The following ARFIP1 variants were observed in gnomAD, a reference collection of about 807,000 sequenced individuals.
ARFIP1 encodes the protein arfaptin-1.
In ARFIP1, 24 loss-of-function variants were observed where a neutral mutation model predicts 42.5. That is an observed-to-expected ratio of 0.57 (90% CI 0.41 to 0.80). The LOEUF is 0.80. Among genes scored for constraint, ARFIP1 ranks in the 30% least tolerant of loss-of-function variants. ARFIP1 has a pLI of 0.00. For synonymous variants in ARFIP1, 141 were observed against 153.7 expected (o/e 0.92, Z 0.61); for missense variants, 354 against 434.0 (o/e 0.82, Z 1.64).
At chr4:152,794,781 A>G (rs1356094310) in intron 1 of ARFIP1, among the ~76,000 whole-genome samples, 2 of 152,028 alleles carry the variant, frequency 1.3e-5, no homozygotes, top group African/African-American at 4.8e-5. Context: ...CCATTTACTT[A>G]TCAGATTGTT....
intron 2 of ARFIP1, among the ~76,000 whole-genome samples, chr4:152,832,062 G>A (rs1332772204): frequency 2.0e-5 from 3 of 151,806 alleles, no homozygotes; most frequent in African/African-American, 7.3e-5. Context: ...TGATTATTAT[G>A]AATAAAGCTG....
rs1384789014 is a variant in ARFIP1, at chr4:152,872,475, A to G, written c.322A>G (p.Ser108Gly). ...AGGTGGCCAGAGAACACAGACAAAA[A>G]GTGGACCAGTTATTCTAGCAGATGA... ...PAGGQRTQTK[S>G]GPVILADEIK... The change falls in exon 5 of 9, where the codon AGT becomes GGT. Residue 108 changes from serine (S) to glycine (G), a missense_variant. Coordinates refer to ENST00000353617, the MANE Select transcript of ARFIP1 (RefSeq NM_001025595.3). The G allele has an allele frequency of 4.3e-6, 7 of 1,610,924 alleles. No individual in the cohort carries two copies. The highest frequency in any genetic ancestry group is 5.9e-6 in the Non-Finnish European group (7 of 1,178,712).
intron 8 of ARFIP1, among the ~76,000 whole-genome samples, chr4:152,905,545 G>GTTTTTTTTGTTTT (rs1738255460): frequency 3.0e-4 from 9 of 30,388 alleles, no homozygotes; most frequent in Non-Finnish European, 4.1e-4. Flanking sequence ...TGTAAGAATT[G>GTTTTTTTTGTTTT]TTTTTTTTTT....
chr4:152,907,796 G>A (rs1435292563), intron 8 of ARFIP1, among the ~76,000 whole-genome samples: 1 of 152,134 alleles, frequency 6.6e-6, no homozygotes, highest in Non-Finnish European at 1.5e-5. Flanking sequence ...ATACAACTTT[G>A]TGGTGGTTTT....
At chr4:152,853,302 T>C (rs1733145315) in intron 2 of ARFIP1, among the ~76,000 whole-genome samples, 2 of 152,216 alleles carry the variant, frequency 1.3e-5, no homozygotes, top group African/African-American at 4.8e-5. Context: ...ATGGTAAATG[T>C]TGCCCTTTTG....
chr4:152,817,030 C>G (rs1729947700), intron 1 of ARFIP1, among the ~76,000 whole-genome samples: 1 of 152,204 alleles, frequency 6.6e-6, no homozygotes, highest in African/African-American at 2.4e-5. Flanking sequence ...CTTTAAGTTT[C>G]TAGAAGGCTG....
At chr4:152,836,490 T>C (rs531562085) in intron 2 of ARFIP1, among the ~76,000 whole-genome samples, 1 of 152,298 alleles carries the variant, frequency 6.6e-6, no homozygotes, top group East Asian at 1.9e-4. Flanking sequence ...TTCAGATGAT[T>C]GTATATGTGT....
intron 2 of ARFIP1, among the ~76,000 whole-genome samples, chr4:152,834,358 T>C: frequency 6.6e-6 from 1 of 152,198 alleles, no homozygotes; most frequent in African/African-American, 2.4e-5. Flanking sequence ...TCTTAACTCA[T>C]TCCAGTATTA....
chr4:152,870,286 A>G (rs1309915457), intron 3 of ARFIP1, among the ~76,000 whole-genome samples: 1 of 152,240 alleles, frequency 6.6e-6, no homozygotes, highest in East Asian at 1.9e-4. Context: ...GCTGTAGTTC[A>G]TTCACATTTC....
Position 152,912,140 on chromosome 4 carries a change from T to C in ARFIP1, c.*1921T>C, listed in dbSNP as rs989553825. The C allele has an allele frequency of 2.6e-5, 4 of 152,180 alleles. No homozygotes were observed. The highest frequency in any genetic ancestry group is 2.1e-4 in the South Asian group (1 of 4,834). The allele number at this position is 152,180 out of a possible 1,614,324, so 9.4% of individuals were successfully genotyped here. On this transcript the variant is annotated 3_prime_UTR_variant, in exon 9 of 9. Transcript: ENST00000353617. Reference sequence around the variant, plus strand: ...GTAGCTAAGGAGCTAAATAGTTTCATGGATTAATTTTTTTCAGAATAAATT... The same window carrying C: ...GTAGCTAAGGAGCTAAATAGTTTCACGGATTAATTTTTTTCAGAATAAATT...
At chr4:152,870,321 T>G (rs181682746) in intron 3 of ARFIP1, among the ~76,000 whole-genome samples, 1 of 152,360 alleles carries the variant, frequency 6.6e-6, no homozygotes, top group Admixed American at 6.5e-5. Context: ...AGAGCATGTT[T>G]TAATATCCCT....
intron 1 of ARFIP1, chr4:152,810,357 A>T (rs1198959439): frequency 1.3e-5 from 2 of 152,234 alleles, no homozygotes; most frequent in Non-Finnish European, 2.9e-5. Flanking sequence ...TATTAAATAC[A>T]TATATTAAAA....
At chr4:152,815,872 G>A (rs1472609587) in intron 1 of ARFIP1, among the ~76,000 whole-genome samples, 1 of 149,048 alleles carries the variant, frequency 6.7e-6, no homozygotes, top group Admixed American at 6.7e-5. Flanking sequence ...AGCCTCCCAA[G>A]TAGCTGGGAC....
intron 1 of ARFIP1, among the ~76,000 whole-genome samples, chr4:152,785,540 C>A (rs1578792651): frequency 6.6e-6 from 1 of 152,170 alleles, no homozygotes; most frequent in Non-Finnish European, 1.5e-5. Flanking sequence ...TGGGCTCAAG[C>A]GATCTTCCCG....
intron 8 of ARFIP1, among the ~76,000 whole-genome samples, chr4:152,895,457 G>GCTTA (rs1026131885): frequency 1.3e-5 from 2 of 150,992 alleles, no homozygotes; most frequent in Non-Finnish European, 3.0e-5. Context: ...TGCAGTCATA[G>GCTTA]CTTACTGTAG....
chr4:152,872,538 A>G lies in ARFIP1; in HGVS notation c.385A>G (p.Arg129Gly), dbSNP rs564478234. The G allele has an allele frequency of 6.2e-7, 1 of 1,605,902 alleles. No individual in the cohort carries two copies. Among genetic ancestry groups the G allele is most frequent in the East Asian group, 2.2e-5 (1 of 44,636 alleles). ...NPAMEKLELVRKWSLNTYKCT... is the reference protein window; with the variant it reads ...NPAMEKLELVGKWSLNTYKCT... ...TGCAATGGAAAAGTTAGAACTTGTTAGAAAATGGAGTCTAAACACCTATAA... is the reference window on the plus strand; with the variant it reads ...TGCAATGGAAAAGTTAGAACTTGTTGGAAAATGGAGTCTAAACACCTATAA... The change falls in exon 5 of 9, where the codon AGA (arginine) becomes GGA (glycine). Residue 129 changes from arginine (R) to glycine (G), a missense_variant. Arg to Gly is a moderately radical substitution (Grantham distance 125). Coordinates refer to ENST00000353617, the MANE Select transcript of ARFIP1 (RefSeq NM_001025595.3).
At chr4:152,819,279 C>T (rs570969727) in intron 1 of ARFIP1, among the ~76,000 whole-genome samples, 74 of 152,282 alleles carry the variant, frequency 4.9e-4, no homozygotes, top group South Asian at 1.0e-3. Context: ...GGCATGACCT[C>T]AACTATTGCC....
At chr4:152,823,796 AAAAAAAAAGAATT>A (rs1730585928) in intron 1 of ARFIP1, among the ~76,000 whole-genome samples, 1 of 150,662 alleles carries the variant, frequency 6.6e-6, no homozygotes, top group African/African-American at 2.4e-5. Flanking sequence ...AAAAAAAAAA[AAAAAAAAAGAATT>A]GGTACCAATT....
intron 7 of ARFIP1, among the ~76,000 whole-genome samples, chr4:152,887,292 A>G (rs574220264): frequency 6.6e-6 from 1 of 151,950 alleles, no homozygotes; most frequent in Non-Finnish European, 1.5e-5. Flanking sequence ...TGATGGGGGG[A>G]GAATATCAGA....
Sources: allele counts gnomAD v4.1 joint callset (sites outside exome capture counted in the v4.1 genomes callset), GRCh38; gene constraint gnomAD v4.1.1; transcripts MANE v1.5; gene names NCBI Gene and HGNC (gene_info 2026-07-23, HGNC 2026-07-21).